Variants in TMEM178B observed in about 807,000 individuals in gnomAD.
TMEM178B encodes the protein transmembrane protein 178B.
A neutral mutation model predicts 31.0 loss-of-function variants in TMEM178B; 5 were observed. The ratio of observed to expected loss-of-function variants is 0.16; its 90% CI spans 0.08 to 0.34. The LOEUF is 0.34. TMEM178B is among the 10% of genes least tolerant of loss of function. TMEM178B has a pLI of 1.00. For missense variants in TMEM178B, 275 were observed against 400.3 expected (o/e 0.69, Z 2.67); for synonymous variants, 164 against 164.0 (o/e 1.00, Z 0.00).
chr7:141,189,886 C>A (rs1478513022), intron 1 of TMEM178B, among the ~76,000 whole-genome samples: 1 of 152,160 alleles, frequency 6.6e-6, no homozygotes, highest in Non-Finnish European at 1.5e-5. Flanking sequence ...GCGTGTGGAA[C>A]CCTGAAGGGC....
chr7:141,263,503 G>T (rs1018658523), intron 2 of TMEM178B, among the ~76,000 whole-genome samples: 1 of 152,226 alleles, frequency 6.6e-6, no homozygotes, highest in Non-Finnish European at 1.5e-5. Context: ...ATGGAGGTCA[G>T]AGGACAGAGT....
chr7:141,312,365 G>C (rs1322683761), intron 2 of TMEM178B, among the ~76,000 whole-genome samples: 1 of 152,214 alleles, frequency 6.6e-6, no homozygotes, highest in East Asian at 1.9e-4. Context: ...TTTCAGAAAG[G>C]TATGGTTAAG....
chr7:141,215,337 A>ATTATTATTATT lies in TMEM178B; in HGVS notation c.496+2635_496+2636insATTATTATTTT, dbSNP rs55726735. On this transcript the variant is annotated intron_variant, in intron 2 of 3. Coordinates refer to ENST00000565468, the MANE Select transcript of TMEM178B (RefSeq NM_001195278.2). ...CATCTTTATTATTATTATTATTATT[A>ATTATTATTATT]TTTTTTGAGATGGAGTCTCACTCTG... 3.5e-3 allele frequency among the ~76,000 whole-genome samples: 493 copies of ATTATTATTATT among 141,556 alleles called. 2 individuals carry two copies. The highest frequency in any genetic ancestry group is 4.4e-3 in the Non-Finnish European group (287 of 65,198). 92.9% of individuals were successfully genotyped at this position (141,556 alleles called of 152,430 possible). A position where few individuals can be genotyped will look rare whatever the true frequency, so the allele number is the denominator to read the frequency against.
intron 2 of TMEM178B, among the ~76,000 whole-genome samples, chr7:141,313,223 G>A (rs940078069): frequency 1.6e-4 from 25 of 152,206 alleles, no homozygotes; most frequent in African/African-American, 2.2e-4. Flanking sequence ...AAGAATGTTT[G>A]CAGTTGCTAA....
chr7:141,204,188 T>C (rs757098721), intron 1 of TMEM178B, among the ~76,000 whole-genome samples: 31 of 152,178 alleles, frequency 2.0e-4, no homozygotes, highest in Non-Finnish European at 3.4e-4. Context: ...GCTGGAAGCG[T>C]GAGACTGGAA....
At chr7:141,144,152 CAT>C (rs1187507901) in intron 1 of TMEM178B, among the ~76,000 whole-genome samples, 6 of 152,254 alleles carry the variant, frequency 3.9e-5, no homozygotes, top group African/African-American at 1.4e-4. Context: ...GGTATAGAAT[CAT>C]AGCGTCAGTA....
At chr7:141,143,481 C>T (rs993453535) in intron 1 of TMEM178B, among the ~76,000 whole-genome samples, 5 of 152,316 alleles carry the variant, frequency 3.3e-5, no homozygotes, top group Admixed American at 1.3e-4. Flanking sequence ...GGAGTCCTTT[C>T]CCCATTGCTT....
the TMEM178B span, among the ~76,000 whole-genome samples, chr7:141,488,644 T>C: frequency 6.6e-6 from 1 of 152,128 alleles, no homozygotes; most frequent in Admixed American, 6.5e-5. Context: ...TTTCCCATGT[T>C]GGCCAGGATG....
At chr7:141,125,279 C>T (rs777454442) in intron 1 of TMEM178B, among the ~76,000 whole-genome samples, 12 of 152,144 alleles carry the variant, frequency 7.9e-5, no homozygotes, top group Non-Finnish European at 1.8e-4. Flanking sequence ...CCATACATCA[C>T]CTCAGGAGGA....
chr7:141,309,410 G>A (rs1798870877), intron 2 of TMEM178B, among the ~76,000 whole-genome samples: 1 of 152,100 alleles, frequency 6.6e-6, no homozygotes, highest in African/African-American at 2.4e-5. Flanking sequence ...GTTCATTGTA[G>A]ACATTTGGAA....
At chr7:141,397,782 C>A (rs1563171095) in intron 2 of TMEM178B, among the ~76,000 whole-genome samples, 1 of 152,202 alleles carries the variant, frequency 6.6e-6, no homozygotes, top group Non-Finnish European at 1.5e-5. Context: ...AAGCTATATT[C>A]CAATTCCTCA....
intron 2 of TMEM178B, among the ~76,000 whole-genome samples, chr7:141,307,210 A>G (rs2057915): frequency 0.75 from 113,614 of 152,170 alleles, 43,398 homozygotes; most frequent in African/African-American, 0.9. Flanking sequence ...TTGGACTGTA[A>G]CCAAGTTTAG....
At chr7:141,220,246 G>A (rs1448425523) in intron 2 of TMEM178B, among the ~76,000 whole-genome samples, 1 of 151,824 alleles carries the variant, frequency 6.6e-6, no homozygotes, top group Non-Finnish European at 1.5e-5. Context: ...CTGGGAGGTG[G>A]AGTTTGCAGT....
chr7:141,443,937 T>C (rs962953921), intron 3 of TMEM178B, among the ~76,000 whole-genome samples: 2 of 152,250 alleles, frequency 1.3e-5, no homozygotes, highest in Non-Finnish European at 2.9e-5. Context: ...TGGTACAGCT[T>C]TGGCCATTGG....
chr7:141,086,008 T>C (rs1794782109), intron 1 of TMEM178B, among the ~76,000 whole-genome samples: 2 of 152,104 alleles, frequency 1.3e-5, no homozygotes, highest in South Asian at 4.1e-4. Context: ...GAAATGATCA[T>C]GGTATATTTG....
intron 3 of TMEM178B, among the ~76,000 whole-genome samples, chr7:141,463,477 T>G (rs184652055): frequency 7.7e-4 from 118 of 152,320 alleles, no homozygotes; most frequent in African/African-American, 2.7e-3. Context: ...CAATGAAATT[T>G]CACATGGAAA....
At chr7:141,153,282 G>A (rs7784508) in intron 1 of TMEM178B, among the ~76,000 whole-genome samples, 18 of 152,074 alleles carry the variant, frequency 1.2e-4, no homozygotes, top group Non-Finnish European at 2.6e-4. Context: ...ATTTTCCAAC[G>A]TTGAAGATTT....
At position 141,379,937 on chromosome 7, in the gene TMEM178B, CCTTTA is replaced by C; in HGVS notation, c.497-57670_497-57666del. ...ACAATTCTACCAGAAAATCCTTTTA[CCTTTA>C]GAGGCTTTGGAAATGAATGTAAATT... On this transcript the variant is annotated intron_variant, in intron 2 of 3. Transcript: ENST00000565468. 1.3e-5 allele frequency among the ~76,000 whole-genome samples: 2 copies of C among 152,222 alleles called. 1 individual carries two copies. Among genetic ancestry groups the C allele is most frequent in the South Asian group, 4.1e-4 (2 of 4,828 alleles).
intron 1 of TMEM178B, among the ~76,000 whole-genome samples, chr7:141,141,948 G>A (rs1795775884): frequency 6.6e-6 from 1 of 152,142 alleles, no homozygotes; most frequent in South Asian, 2.1e-4. Flanking sequence ...TTCTATTTTA[G>A]ATTCAGGGGG....
Sources: gnomAD v4.1 joint callset for allele counts (sites outside exome capture counted in the v4.1 genomes callset) on GRCh38, gnomAD v4.1.1 for gene constraint, MANE v1.5 for transcripts, NCBI Gene and HGNC (gene_info 2026-07-23, HGNC 2026-07-21) for gene names.